The following PCDHA9 variants were observed in gnomAD, a reference collection of about 807,000 sequenced individuals.
PCDHA9 encodes the protein protocadherin alpha-9.
A neutral mutation model predicts 62.0 loss-of-function variants in PCDHA9; 62 were observed. The ratio of observed to expected loss-of-function variants is 1.00; its 90% CI spans 0.81 to 1.23. The LOEUF (loss-of-function observed/expected upper bound fraction) is 1.23, where lower values mean the gene tolerates loss of function less well. PCDHA9 is among the 50% of genes most tolerant of loss of function. The pLI is 0.00. For synonymous variants in PCDHA9, 557 were observed against 567.6 expected (o/e 0.98, Z 0.27); for missense variants, 1,205 against 1,249.8 (o/e 0.96, Z 0.54).
At chr5:140,953,527 A>T (rs531720224) in intron 1 of PCDHA9, among the ~76,000 whole-genome samples, 153 of 152,150 alleles carry the variant, frequency 1.0e-3, no homozygotes, top group African/African-American at 2.9e-3. Flanking sequence ...AAAACGGGAA[A>T]CTCACTTCAT....
chr5:140,914,619 T>G (rs1554196515), intron 1 of PCDHA9, among the ~76,000 whole-genome samples: 1 of 152,194 alleles, frequency 6.6e-6, no homozygotes, highest in African/African-American at 2.4e-5. Context: ...TTTTGTAATT[T>G]GTTTTCTCGT....
At chr5:140,977,461 G>A (rs1554238575) in intron 1 of PCDHA9, among the ~76,000 whole-genome samples, 1 of 152,120 alleles carries the variant, frequency 6.6e-6, no homozygotes, top group African/African-American at 2.4e-5. Context: ...CTTTGATTTG[G>A]TCTGTAGATA....
rs2150413547 is a variant in PCDHA9, at chr5:140,848,594, C to T, written c.99C>T (p.Tyr33=). Residue 33 remains tyrosine, a synonymous_variant, in exon 1 of 4, where the codon TAC becomes TAT. Coordinates refer to ENST00000532602, the MANE Select transcript of PCDHA9 (RefSeq NM_031857.2). The part of the protein sequence containing the change: ...MWVVGSGQLH[Y]SVPEEAEHGT... The stretch of plus-strand genomic sequence containing the variant: ...TGGTGGGGAGCGGCCAGCTCCACTA[C>T]TCCGTCCCGGAGGAAGCCGAACACG... 3.8e-6 allele frequency: 6 copies of T among 1,594,526 alleles called. 1 individual carries two copies. In the African/African-American group the frequency reaches 4.0e-5, roughly 11 times the overall value.
At chr5:140,855,994 G>T in intron 1 of PCDHA9, 2 of 1,498,182 alleles carry the variant, frequency 1.3e-6, no homozygotes, top group South Asian at 1.3e-5. Flanking sequence ...ATGTCAGATC[G>T]TATGTGCGTT....
Position 140,850,195 on chromosome 5 carries a change from C to A in PCDHA9, c.1700C>A (p.Thr567Lys). 1 of 1,593,610 alleles carries A rather than the reference C, an allele frequency of 6.3e-7. No homozygotes were observed. The highest frequency in any genetic ancestry group is 1.1e-5 in the South Asian group (1 of 90,452). Residue 567 changes from threonine to lysine, a missense_variant, in exon 1 of 4, where the codon ACA becomes AAA. Physicochemically the swap from Thr to Lys is moderately conservative, Grantham distance 78 (BLOSUM62 -1). Coordinates refer to ENST00000532602, the MANE Select transcript of PCDHA9 (RefSeq NM_031857.2). ...DENDNAPALL[T>K]PRMRGTDGAV... ...AACGACAATGCGCCGGCGCTGCTGA[C>A]ACCTCGGATGAGGGGCACTGACGGC...
intron 1 of PCDHA9, among the ~76,000 whole-genome samples, chr5:140,941,602 A>G (rs1364169026): frequency 1.3e-5 from 2 of 151,994 alleles, no homozygotes; most frequent in African/African-American, 4.8e-5. Flanking sequence ...GCCATGAGCC[A>G]TGGTGCCCAG....
intron 1 of PCDHA9, among the ~76,000 whole-genome samples, chr5:140,941,213 TCC>T (rs1491191685): frequency 2.4e-4 from 26 of 106,900 alleles, no homozygotes; most frequent in African/African-American, 9.0e-4. Context: ...CTTTCTTTCT[TCC>T]TTTCTTTCTT....
intron 1 of PCDHA9, among the ~76,000 whole-genome samples, chr5:140,953,196 TA>T (rs1166571162): frequency 6.6e-6 from 1 of 152,156 alleles, no homozygotes; most frequent in Non-Finnish European, 1.5e-5. Context: ...TTGATTAGAC[TA>T]AAAATGCAAA....
intron 1 of PCDHA9, chr5:140,968,856 G>A (rs782749305): frequency 1.2e-6 from 2 of 1,614,184 alleles, no homozygotes; most frequent in South Asian, 1.1e-5. Flanking sequence ...CATGTTAAGA[G>A]CCCTCGGACA....
In PCDHA9 at chr5:140,856,245, C is replaced by T. The variant is rs782062442; in HGVS notation, c.2394+5356C>T. 5.5e-5 allele frequency: 88 copies of T among 1,597,902 alleles called. 5 individuals are homozygous for T. The South Asian group carries it at 8.8e-4, about 16-fold the overall frequency. On this transcript the variant is annotated intron_variant, in intron 1 of 3. Coordinates refer to ENST00000532602, the MANE Select transcript of PCDHA9 (RefSeq NM_031857.2). ...CTGGTGCAGCGCCTGTTCCGGGTGGCGTCCAAAAGACACGGGGACCTTCTG... is the reference window on the plus strand; with the variant it reads ...CTGGTGCAGCGCCTGTTCCGGGTGGTGTCCAAAAGACACGGGGACCTTCTG...
rs2053060094 is a variant in PCDHA9, at chr5:140,871,409, T to A, written c.2394+20520T>A. The A allele has an allele frequency of 6.2e-7, 1 of 1,614,092 alleles. No individual in the cohort carries two copies. Among genetic ancestry groups the A allele is most frequent in the Non-Finnish European group, 8.5e-7 (1 of 1,179,968 alleles). The stretch of plus-strand genomic sequence containing the variant: ...GAGGGCCCACCTAAGACGGACCTCA[T>A]GGCCTTCAGCCCCAGTCTTCCTCTA... On this transcript the variant is annotated intron_variant, in intron 1 of 3. Transcript: ENST00000532602.
intron 3 of PCDHA9, among the ~76,000 whole-genome samples, chr5:140,986,901 A>G (rs1289100953): frequency 6.6e-6 from 1 of 152,134 alleles, no homozygotes; most frequent in Non-Finnish European, 1.5e-5. Context: ...GCCCTATCCT[A>G]GACTAATGAA....
In PCDHA9 at chr5:140,876,147, T is replaced by A. The variant is rs183600546; in HGVS notation, c.2394+25258T>A. 4.3e-6 allele frequency: 7 copies of A among 1,613,994 alleles called. No individual in the cohort carries two copies. The Admixed American group carries it at 1.2e-4, about 27-fold the overall frequency. ...GCGGTAAACCAGAACTAACAGGGTC[T>A]GTCCAGATTCAAATAACCGTCCTGG... is the stretch of plus-strand genomic sequence containing the variant. On this transcript the variant is annotated intron_variant, in intron 1 of 3. Transcript: ENST00000532602.
At chr5:140,851,370 T>A in intron 1 of PCDHA9, 1 of 979,252 alleles carries the variant, frequency 1.0e-6, no homozygotes, top group Non-Finnish European at 1.2e-6. Flanking sequence ...AACATCTGAT[T>A]GTTCAGCAAC....
At position 140,968,542 on chromosome 5, in the gene PCDHA9, G is replaced by A. The variant is rs782474856; in HGVS notation, c.2395-10407G>A. On this transcript the variant is annotated intron_variant, in intron 1 of 3. Transcript: ENST00000532602. ...CAACCAACTCGTCAGCAGCCTTCGA[G>A]ATGGTGCCTCGAACTGCCCCTGCTG... is the stretch of plus-strand genomic sequence containing the variant. The A allele has an allele frequency of 1.1e-5, 18 of 1,614,204 alleles. 2 individuals are homozygous for A. In the South Asian group the frequency reaches 2.0e-4, roughly 18 times the overall value.
rs185971380 is a variant in PCDHA9, at chr5:140,858,398, G to C, written c.2394+7509G>C. The C allele has an allele frequency of 3.8e-6, 6 of 1,574,020 alleles. No homozygotes were observed. Among genetic ancestry groups the C allele is most frequent in the South Asian group, 2.3e-5 (2 of 88,596 alleles). ...ACCATGCCCAATGGTAGATGTGGACGGGGAAGATCAGTCTATTGGAGGGGA... is the reference window on the plus strand; with the variant it reads ...ACCATGCCCAATGGTAGATGTGGACCGGGAAGATCAGTCTATTGGAGGGGA... On this transcript the variant is annotated intron_variant, in intron 1 of 3. Coordinates refer to ENST00000532602, the MANE Select transcript of PCDHA9 (RefSeq NM_031857.2).
intron 1 of PCDHA9, among the ~76,000 whole-genome samples, chr5:140,940,750 G>A (rs1274521070): frequency 2.6e-5 from 4 of 152,136 alleles, no homozygotes; most frequent in Non-Finnish European, 5.9e-5. Context: ...TTTTATGTGT[G>A]CCAACTTTTA....
intron 1 of PCDHA9, among the ~76,000 whole-genome samples, chr5:140,908,155 G>C (rs559304647): frequency 6.6e-6 from 1 of 152,194 alleles, no homozygotes; most frequent in Non-Finnish European, 1.5e-5. Context: ...TCCTAGGAAG[G>C]GGCTGTAGTG....
chr5:140,969,547 A>C, intron 1 of PCDHA9: 10 of 1,244,334 alleles, frequency 8.0e-6, no homozygotes, highest in Non-Finnish European at 9.8e-6. Flanking sequence ...AGAGGCATGA[A>C]GCCTTGTCCA....
Sources: gnomAD v4.1 joint callset for allele counts (sites outside exome capture counted in the v4.1 genomes callset) on GRCh38, gnomAD v4.1.1 for gene constraint, MANE v1.5 for transcripts, NCBI Gene and HGNC (gene_info 2026-07-23, HGNC 2026-07-21) for gene names.